CEP83: variants seen among roughly 807,000 people sequenced by gnomAD.
CEP83 encodes centrosomal protein of 83 kDa.
In CEP83, 70 loss-of-function variants were observed where a neutral mutation model predicts 101.9. The ratio of observed to expected loss-of-function variants is 0.69; its 90% CI spans 0.57 to 0.84. CEP83 has a LOEUF of 0.84. CEP83 is among the 40% of genes least tolerant of loss of function. The pLI, the probability that CEP83 is intolerant of heterozygous loss-of-function variation, is 0.00. For synonymous variants in CEP83, 264 were observed against 267.9 expected (o/e 0.99, Z 0.14); for missense variants, 715 against 787.2 (o/e 0.91, Z 1.10).
At position 94,378,930 on chromosome 12, in the gene CEP83, C is replaced by T. The variant is rs1289383879; in HGVS notation, c.662G>A (p.Cys221Tyr). ...EQLAREKVYL[C>Y]QKLKGLEAEV... ...AGCCTCTAAACCTTTTAATTTTTGA[C>T]ACAAATAGACTTTTTCTCGAGCAAG... The change falls in exon 7 of 17, where the codon TGT (cysteine) becomes TAT (tyrosine). Residue 221 changes from cysteine to tyrosine, a missense_variant. Transcript: ENST00000397809. The T allele has an allele frequency of 6.2e-7, 1 of 1,614,068 alleles. No homozygotes were observed. The highest frequency in any genetic ancestry group is 2.2e-5 in the East Asian group (1 of 44,882).
chr12:94,369,282 G>T (rs544138485), intron 9 of CEP83: 91 of 152,030 alleles, frequency 6.0e-4, no homozygotes, highest in Admixed American at 1.2e-3. Context: ...GTGAAACGCT[G>T]TCTCTACTTA....
intron 1 of CEP83, among the ~76,000 whole-genome samples, chr12:94,445,924 G>C (rs778339067): frequency 4.6e-5 from 7 of 152,160 alleles, no homozygotes; most frequent in Non-Finnish European, 5.9e-5. Context: ...CCTAGAGCAG[G>C]CTGGAAAATG....
At chr12:94,285,986 G>A in the CEP83 span, among the ~76,000 whole-genome samples, 1 of 152,338 alleles carries the variant, frequency 6.6e-6, no homozygotes, top group African/African-American at 2.4e-5. Context: ...AGGAGGCAGG[G>A]CAAGTCTCTC....
intron 8 of CEP83, among the ~76,000 whole-genome samples, chr12:94,371,306 G>A (rs896880408): frequency 5.9e-5 from 9 of 152,084 alleles, no homozygotes; most frequent in Middle Eastern, 3.2e-3. Context: ...ATGAATAAAC[G>A]GAGGGGGGAA....
chr12:94,286,464 A>G, the CEP83 span, among the ~76,000 whole-genome samples: 1 of 152,128 alleles, frequency 6.6e-6, no homozygotes, highest in Non-Finnish European at 1.5e-5. Flanking sequence ...GTAATTTGAC[A>G]GGGCTGGGCT....
chr12:94,322,500 A>G (rs1045654860), intron 14 of CEP83, among the ~76,000 whole-genome samples: 3 of 152,142 alleles, frequency 2.0e-5, no homozygotes, highest in Non-Finnish European at 4.4e-5. Flanking sequence ...AGACTCTCCA[A>G]ATCCCAAAGG....
In CEP83 at chr12:94,432,026, G is replaced by A. The variant is rs144947713; in HGVS notation, c.-102+3249C>T. Among the ~76,000 whole-genome samples the A allele has an allele frequency of 3.2e-3, 483 of 151,926 alleles. 2 individuals carry two copies. The highest frequency in any genetic ancestry group is 7.8e-3 in the African/African-American group (323 of 41,448). On this transcript the variant is annotated intron_variant, in intron 2 of 16. Transcript: ENST00000397809. ...TTCACAATAGCAAAGATACAGAATC[G>A]ACATAAGTGTCCATTAATGGATTAA...
At chr12:94,442,493 C>T (rs1182799145) in intron 1 of CEP83, among the ~76,000 whole-genome samples, 1 of 151,820 alleles carries the variant, frequency 6.6e-6, no homozygotes, top group African/African-American at 2.4e-5. Flanking sequence ...CAAACACCAC[C>T]TGTTCCCCCA....
chr12:94,269,702 T>C, the CEP83 span, among the ~76,000 whole-genome samples: 1 of 152,232 alleles, frequency 6.6e-6, no homozygotes, highest in Non-Finnish European at 1.5e-5. Context: ...CTCCTACCAT[T>C]TGTGGAGAAA....
the CEP83 span, among the ~76,000 whole-genome samples, chr12:94,269,219 A>G: frequency 6.6e-6 from 1 of 152,192 alleles, no homozygotes; most frequent in Non-Finnish European, 1.5e-5. Context: ...TCTGAGAGAG[A>G]GCATCTTGGC....
chr12:94,332,275 G>A (rs573042723), intron 13 of CEP83, among the ~76,000 whole-genome samples: 30 of 152,306 alleles, frequency 2.0e-4, no homozygotes, highest in Admixed American at 1.7e-3. Flanking sequence ...AATGCAGTAT[G>A]TCTTCTGACT....
Position 94,431,632 on chromosome 12 carries a change from C to T in CEP83, c.-102+3643G>A, listed in dbSNP as rs150059334. 2.7e-3 allele frequency among the ~76,000 whole-genome samples: 405 copies of T among 149,224 alleles called. 2 individuals are homozygous for T. Among genetic ancestry groups the T allele is most frequent in the Admixed American group, 6.2e-3 (93 of 15,006 alleles). ...AGCCTCATTAAAAAGTGGGTAAAGG[C>T]CACAAACATTTCTCAAAAGAATACA... On this transcript the variant is annotated intron_variant, in intron 2 of 16. Transcript: ENST00000397809.
chr12:94,422,775 A>C (rs866078751), intron 2 of CEP83, among the ~76,000 whole-genome samples: 19 of 152,334 alleles, frequency 1.2e-4, no homozygotes, highest in Middle Eastern at 3.4e-3. Context: ...GTTTTTGTGT[A>C]TCTCAGTAGT....
At chr12:94,454,368 T>C (rs187232484) in intron 1 of CEP83, among the ~76,000 whole-genome samples, 62 of 152,328 alleles carry the variant, frequency 4.1e-4, no homozygotes, top group African/African-American at 1.3e-3. Context: ...CCAGCTGGGA[T>C]TCTGGGTCCG....
chr12:94,398,002 T>C (rs1370284926), intron 6 of CEP83, among the ~76,000 whole-genome samples: 1 of 152,202 alleles, frequency 6.6e-6, no homozygotes, highest in African/African-American at 2.4e-5. Context: ...GACCACACAC[T>C]GTCGAGACTC....
chr12:94,449,995 A>C (rs1305989162), intron 1 of CEP83, among the ~76,000 whole-genome samples: 1 of 152,124 alleles, frequency 6.6e-6, no homozygotes, highest in Non-Finnish European at 1.5e-5. Context: ...TAGGAACATA[A>C]GGGAGCTTCC....
chr12:94,285,213 T>A, the CEP83 span, among the ~76,000 whole-genome samples: 3 of 152,138 alleles, frequency 2.0e-5, no homozygotes, highest in Non-Finnish European at 2.9e-5. Flanking sequence ...AGGGACCCCC[T>A]GTTTTTCATG....
At chr12:94,358,231 T>G (rs1428239359) in intron 11 of CEP83, among the ~76,000 whole-genome samples, 1 of 152,112 alleles carries the variant, frequency 6.6e-6, no homozygotes, top group Non-Finnish European at 1.5e-5. Context: ...TATAAACTGA[T>G]GGGGAAGAGA....
At chr12:94,412,255 C>A (rs2063932120) in intron 3 of CEP83, 63 bp downstream of exon 3, 1 of 1,318,584 alleles carries the variant, frequency 7.6e-7, no homozygotes. Context: ...AGCAAACATT[C>A]AGCCAAGATA....
Sources: allele counts gnomAD v4.1 joint callset (sites outside exome capture counted in the v4.1 genomes callset), GRCh38; gene constraint gnomAD v4.1.1; transcripts MANE v1.5; gene names NCBI Gene and HGNC (gene_info 2026-07-23, HGNC 2026-07-21).